Variants in PRKX observed in about 807,000 individuals in gnomAD.
PRKX encodes protein kinase cAMP-dependent X-linked catalytic subunit.
A neutral mutation model predicts 22.0 loss-of-function variants in PRKX; 12 were observed. That is an observed-to-expected ratio of 0.54 (90% confidence interval 0.35 to 0.88). The LOEUF is 0.88. PRKX is among the 40% of genes least tolerant of loss of function. PRKX has a pLI of 0.01. For synonymous variants in PRKX, 134 were observed against 137.7 expected, an observed-to-expected ratio of 0.97 and a Z score of 0.19; for missense variants, 217 against 308.0, an observed-to-expected ratio of 0.70 and a Z score of 2.21.
At chrX:3,633,450 G>C (rs1239744012) in intron 4 of PRKX, among the ~76,000 whole-genome samples, 1 of 106,520 alleles carries the variant, frequency 9.4e-6, no homozygotes, top group Non-Finnish European at 1.9e-5. Flanking sequence ...TGTCATCCCA[G>C]CTACTCAAGA....
At chrX:3,653,502 T>G (rs1432629169) in intron 3 of PRKX, among the ~76,000 whole-genome samples, 1 of 106,385 alleles carries the variant, frequency 9.4e-6, no homozygotes, top group Non-Finnish European at 1.9e-5. Flanking sequence ...AGATGTTTGT[T>G]CAAACACTGT....
chrX:3,662,867 G>A (rs1927630166), intron 2 of PRKX, among the ~76,000 whole-genome samples: 1 of 107,211 alleles, frequency 9.3e-6, no homozygotes, highest in Admixed American at 1.0e-4. Flanking sequence ...GCTTGGTGGT[G>A]CAGGCCTGTA....
At chrX:3,703,518 C>G (rs928810396) in intron 1 of PRKX, among the ~76,000 whole-genome samples, 1 of 110,851 alleles carries the variant, frequency 9.0e-6, no homozygotes, top group African/African-American at 3.3e-5. Context: ...TTTCCATCCT[C>G]GCACCTGAGT....
chrX:3,711,470 C>G (rs2146617688), intron 1 of PRKX, among the ~76,000 whole-genome samples: 1 of 112,253 alleles, frequency 8.9e-6, no homozygotes, highest in South Asian at 3.7e-4. Flanking sequence ...CTGCCGCCCT[C>G]CTGCCCGCAT....
intron 1 of PRKX, among the ~76,000 whole-genome samples, chrX:3,701,113 C>G (rs112550933): frequency 2.1e-5 from 1 of 47,134 alleles, no homozygotes; most frequent in East Asian, 3.0e-4. Flanking sequence ...TCTTTTTTTC[C>G]TTTTCTTTCT....
intron 5 of PRKX, among the ~76,000 whole-genome samples, chrX:3,621,699 G>A (rs1382699982): frequency 8.9e-6 from 1 of 112,033 alleles, no homozygotes; most frequent in African/African-American, 3.2e-5. Flanking sequence ...CAACACTCAC[G>A]CGCTGTCCTG....
intron 1 of PRKX, among the ~76,000 whole-genome samples, chrX:3,697,514 A>G (rs1357020339): frequency 9.1e-6 from 1 of 110,336 alleles, no homozygotes; most frequent in Non-Finnish European, 1.9e-5. Context: ...ATCACCAGGC[A>G]ATGTTTGTTT....
At chrX:3,685,509 AAC>A (rs1423880741) in intron 1 of PRKX, among the ~76,000 whole-genome samples, 1 of 111,392 alleles carries the variant, frequency 9.0e-6, no homozygotes, top group Non-Finnish European at 1.9e-5. Flanking sequence ...TAAGTGAAAT[AAC>A]ACACAGAAAG....
Position 3,607,650 on chromosome X carries a change from T to C in PRKX, c.*1319A>G, listed in dbSNP as rs1272527753. On this transcript the variant is annotated 3_prime_UTR_variant, in exon 9 of 9. Coordinates refer to ENST00000262848, the MANE Select transcript of PRKX (RefSeq NM_005044.5). The stretch of plus-strand genomic sequence containing the variant: ...CACTGATGAAAAAGGGTGGCTATGT[T>C]CTGTTTCTGTAATTTCACTGTTTTA... 1.8e-5 allele frequency: 2 copies of C among 110,771 alleles called. No individual in the cohort carries two copies. Among genetic ancestry groups the C allele is most frequent in the East Asian group, 5.6e-4 (2 of 3,553 alleles). 9.1% of individuals were successfully genotyped at this position (110,771 alleles called of 1,213,427 possible). A position where few individuals can be genotyped will look rare whatever the true frequency, so the allele number is the denominator to read the frequency against.
chrX:3,660,835 T>A (rs866403832), intron 2 of PRKX, among the ~76,000 whole-genome samples: 2 of 110,277 alleles, frequency 1.8e-5, no homozygotes, highest in South Asian at 3.9e-4. Flanking sequence ...GGTAGGATGA[T>A]CTGTAGAGGA....
intron 2 of PRKX, among the ~76,000 whole-genome samples, chrX:3,658,354 G>A (rs1418804343): frequency 9.0e-6 from 1 of 111,016 alleles, no homozygotes; most frequent in African/African-American, 3.3e-5. Context: ...TGCAGGTAAG[G>A]CTCATGCAGC....
chrX:3,618,412 GC>G (rs1255042416), intron 6 of PRKX, among the ~76,000 whole-genome samples: 4 of 111,281 alleles, frequency 3.6e-5, no homozygotes, highest in East Asian at 5.7e-4. Context: ...GAGCTCAGGA[GC>G]TCGAGACCAG....
chrX:3,640,487 T>A (rs1001971262), intron 4 of PRKX, among the ~76,000 whole-genome samples: 6 of 111,964 alleles, frequency 5.4e-5, no homozygotes, highest in Non-Finnish European at 1.1e-4. Context: ...TCCTTTGCGT[T>A]TCTGGTCTAG....
chrX:3,612,403 T>G (rs1201952107), intron 7 of PRKX, 78 bp from the exon 8 acceptor site: 78 of 1,010,247 alleles, frequency 7.7e-5, no homozygotes, highest in Non-Finnish European at 9.8e-5. Context: ...CCGCTTTATT[T>G]CTGTCACTGT....
intron 2 of PRKX, among the ~76,000 whole-genome samples, chrX:3,660,388 G>A (rs1387388370): frequency 8.9e-6 from 1 of 111,736 alleles, no homozygotes; most frequent in Non-Finnish European, 1.9e-5. Flanking sequence ...CAAGACCACT[G>A]TCTACAACTG....
chrX:3,688,200 C>T (rs753914113), intron 1 of PRKX, among the ~76,000 whole-genome samples: 1 of 109,130 alleles, frequency 9.2e-6, no homozygotes, highest in Non-Finnish European at 1.9e-5. Context: ...AATCCCAGCA[C>T]TTTGGGAGGC....
chrX:3,657,396 G>A (rs1927502315), intron 2 of PRKX, among the ~76,000 whole-genome samples: 1 of 111,479 alleles, frequency 9.0e-6, no homozygotes, highest in Admixed American at 9.6e-5. Context: ...ACGACCACGT[G>A]AGGACACAGG....
At chrX:3,669,655 C>CA (rs1927809744) in intron 2 of PRKX, among the ~76,000 whole-genome samples, 1 of 112,152 alleles carries the variant, frequency 8.9e-6, no homozygotes, top group Non-Finnish European at 1.9e-5. Flanking sequence ...ATCTATCAAT[C>CA]AATCACCTAC....
chrX:3,692,264 G>A (rs958189702), intron 1 of PRKX, among the ~76,000 whole-genome samples: 23 of 110,242 alleles, frequency 2.1e-4, no homozygotes, highest in Non-Finnish European at 2.8e-4. Flanking sequence ...CCTGCAGAGT[G>A]GCGTCCCTGG....
Sources: gnomAD v4.1 joint callset for allele counts (sites outside exome capture counted in the v4.1 genomes callset) on GRCh38, gnomAD v4.1.1 for gene constraint, MANE v1.5 for transcripts, NCBI Gene and HGNC (gene_info 2026-07-23, HGNC 2026-07-21) for gene names.